Variants in PPM1E observed in about 807,000 individuals in gnomAD.
PPM1E encodes protein phosphatase, Mg2+/Mn2+ dependent 1E, also known as protein phosphatase 1E.
Under a neutral mutation model 65.9 loss-of-function variants are expected in PPM1E, and 20 were observed. The ratio of observed to expected loss-of-function variants is 0.30; its 90% confidence interval spans 0.21 to 0.44. The LOEUF is 0.44. Ranked by LOEUF, PPM1E falls within the 20% of genes least tolerant of loss-of-function variation. PPM1E has a pLI of 1.00. For missense variants in PPM1E, 713 were observed against 953.1 expected, an observed-to-expected ratio of 0.75 and a Z score of 3.32; for synonymous variants, 352 against 374.9, an observed-to-expected ratio of 0.94 and a Z score of 0.70.
chr17:58,805,581 A>G (rs1444683788), intron 1 of PPM1E, among the ~76,000 whole-genome samples: 1 of 151,964 alleles, frequency 6.6e-6, no homozygotes, highest in Non-Finnish European at 1.5e-5. Flanking sequence ...CTCACCCCCT[A>G]TTATTACTGA....
chr17:58,886,656 A>T (rs1429456233), intron 1 of PPM1E, among the ~76,000 whole-genome samples: 1 of 152,256 alleles, frequency 6.6e-6, no homozygotes, highest in Non-Finnish European at 1.5e-5. Context: ...CATACAAGAA[A>T]GATAAGGTCC....
chr17:58,835,807 TGCA>T (rs1332839155), intron 1 of PPM1E: 1 of 152,208 alleles, frequency 6.6e-6, no homozygotes, highest in Non-Finnish European at 1.5e-5. Flanking sequence ...ATTTTGAGGC[TGCA>T]GTGAGCTATG....
At chr17:58,798,625 G>T (rs1405829880) in intron 1 of PPM1E, among the ~76,000 whole-genome samples, 5 of 143,882 alleles carry the variant, frequency 3.5e-5, no homozygotes, top group Non-Finnish European at 7.5e-5. Context: ...TTACTGCTTT[G>T]CTGCCCTACT....
chr17:58,806,936 A>G (rs185105950), intron 1 of PPM1E, among the ~76,000 whole-genome samples: 1 of 150,448 alleles, frequency 6.6e-6, no homozygotes, highest in East Asian at 2.0e-4. Flanking sequence ...TGAACTCCTG[A>G]CCTCGTGATC....
At chr17:58,875,329 T>C (rs1424378755) in intron 1 of PPM1E, among the ~76,000 whole-genome samples, 1 of 152,170 alleles carries the variant, frequency 6.6e-6, no homozygotes, top group South Asian at 2.1e-4. Context: ...AAAGCACAGA[T>C]TGACACTTTG....
intron 1 of PPM1E, among the ~76,000 whole-genome samples, chr17:58,912,820 T>C (rs1041464013): frequency 6.6e-6 from 1 of 152,132 alleles, no homozygotes; most frequent in Non-Finnish European, 1.5e-5. Flanking sequence ...GAGCTGAAGG[T>C]TGAGTTGGTA....
intron 1 of PPM1E, among the ~76,000 whole-genome samples, chr17:58,913,434 G>A (rs1273849360): frequency 1.3e-5 from 2 of 152,144 alleles, no homozygotes; most frequent in Non-Finnish European, 2.9e-5. Context: ...CAGGAAAGCT[G>A]CTAAGATAAT....
At chr17:58,964,852 T>G (rs2030163635) in intron 2 of PPM1E, among the ~76,000 whole-genome samples, 2 of 152,228 alleles carry the variant, frequency 1.3e-5, no homozygotes, top group South Asian at 4.1e-4. Context: ...AAGACCAGCC[T>G]GGCCAACATG....
intron 1 of PPM1E, among the ~76,000 whole-genome samples, chr17:58,857,758 A>G (rs2050898216): frequency 6.6e-6 from 1 of 152,132 alleles, no homozygotes; most frequent in African/African-American, 2.4e-5. Context: ...AGATAAATAA[A>G]TTAGAGATGA....
At chr17:58,797,314 C>G (rs1166146379) in intron 1 of PPM1E, among the ~76,000 whole-genome samples, 1 of 151,922 alleles carries the variant, frequency 6.6e-6, no homozygotes, top group Non-Finnish European at 1.5e-5. Flanking sequence ...AACTAATATC[C>G]CTATCAGAAT....
Position 58,883,087 on chromosome 17 carries a change from C to A in PPM1E, c.465-72562C>A, listed in dbSNP as rs140949278. On this transcript the variant is annotated intron_variant, in intron 1 of 6. Transcript: ENST00000308249. ...CTTCTGCCTCAGCCTCCCAAACTAGCTGGGATTACAGGCGCCTGCCACCAC... is the reference window on the plus strand; with the variant it reads ...CTTCTGCCTCAGCCTCCCAAACTAGATGGGATTACAGGCGCCTGCCACCAC... 3.1e-4 allele frequency among the ~76,000 whole-genome samples: 47 copies of A among 151,236 alleles called. 1 individual carries two copies. In the East Asian group the frequency reaches 9.2e-3, roughly 30 times the overall value.
chr17:58,845,720 C>T (rs143615974), intron 1 of PPM1E, among the ~76,000 whole-genome samples: 14 of 152,246 alleles, frequency 9.2e-5, no homozygotes, highest in Middle Eastern at 3.4e-3. Flanking sequence ...CTCGCTCTGT[C>T]GCTAGGCTGG....
At chr17:58,935,260 A>G (rs1179197309) in intron 1 of PPM1E, among the ~76,000 whole-genome samples, 2 of 152,184 alleles carry the variant, frequency 1.3e-5, no homozygotes, top group Non-Finnish European at 2.9e-5. Context: ...AAAAAAAAAA[A>G]AAATGGCTAG....
intron 1 of PPM1E, among the ~76,000 whole-genome samples, chr17:58,897,317 G>A (rs963213950): frequency 3.3e-5 from 5 of 152,092 alleles, no homozygotes; most frequent in African/African-American, 1.2e-4. Flanking sequence ...GGGAGGCTGA[G>A]GCAGGAGAAT....
At chr17:58,784,483 T>G (rs2050078962) in intron 1 of PPM1E, among the ~76,000 whole-genome samples, 1 of 151,768 alleles carries the variant, frequency 6.6e-6, no homozygotes, top group African/African-American at 2.4e-5. Context: ...TTCAAATCCT[T>G]TACCCTCCTC....
At chr17:58,870,047 A>C (rs1220406263) in intron 1 of PPM1E, among the ~76,000 whole-genome samples, 2 of 152,196 alleles carry the variant, frequency 1.3e-5, no homozygotes, top group Non-Finnish European at 2.9e-5. Flanking sequence ...AGCATGGTTG[A>C]TAAATCAAGC....
chr17:58,947,816 C>A (rs1214609721), intron 1 of PPM1E, among the ~76,000 whole-genome samples: 1 of 152,148 alleles, frequency 6.6e-6, no homozygotes, highest in East Asian at 1.9e-4. Flanking sequence ...AAAGCAAGGT[C>A]ACCTTATCTC....
intron 1 of PPM1E, chr17:58,785,207 A>G (rs901230610): frequency 2.0e-5 from 3 of 151,724 alleles, no homozygotes; most frequent in Admixed American, 1.3e-4. Context: ...TTATCCTAGC[A>G]CCATATGTTG....
At chr17:58,837,520 CAG>C (rs1481099355) in intron 1 of PPM1E, among the ~76,000 whole-genome samples, 1 of 129,948 alleles carries the variant, frequency 7.7e-6, no homozygotes, top group Non-Finnish European at 1.6e-5. Context: ...TTTTTTAAGA[CAG>C]AGTCTCACAC....
Sources: allele counts gnomAD v4.1 joint callset (sites outside exome capture counted in the v4.1 genomes callset), GRCh38; gene constraint gnomAD v4.1.1; transcripts MANE v1.5; gene names NCBI Gene and HGNC (gene_info 2026-07-23, HGNC 2026-07-21).